Variants in NFATC3 observed in about 807,000 individuals in gnomAD.
The protein encoded by NFATC3 is nuclear factor of activated T-cells, cytoplasmic 3.
A neutral mutation model predicts 98.6 loss-of-function variants in NFATC3; 46 were observed. The observed-to-expected ratio is 0.47, with a 90% CI of 0.37 to 0.60. NFATC3 has a LOEUF of 0.60. Ranked by LOEUF, NFATC3 falls within the 20% of genes least tolerant of loss-of-function variation. NFATC3 has a pLI of 0.00. For missense variants in NFATC3, 1,256 were observed against 1,295.5 expected (o/e 0.97, Z 0.47); for synonymous variants, 512 against 472.2 (o/e 1.08, Z -1.09).
At chr16:68,200,906 A>G (rs1598580590) in intron 9 of NFATC3, 1 of 152,164 alleles carries the variant, frequency 6.6e-6, no homozygotes, top group South Asian at 2.1e-4. Context: ...TGATTTTATA[A>G]CAGATATGGA....
chr16:68,132,667 A>G (rs181414655), intron 3 of NFATC3, among the ~76,000 whole-genome samples: 6 of 152,370 alleles, frequency 3.9e-5, no homozygotes, highest in African/African-American at 1.4e-4. Context: ...TATATGCACA[A>G]TACAATACTA....
intron 1 of NFATC3, among the ~76,000 whole-genome samples, chr16:68,118,253 C>T (rs1235621586): frequency 2.0e-5 from 3 of 152,192 alleles, no homozygotes; most frequent in Non-Finnish European, 2.9e-5. Context: ...CTCTGTAAAA[C>T]AAGTTCCTTG....
At chr16:68,172,756 G>C (rs978266539) in intron 5 of NFATC3, among the ~76,000 whole-genome samples, 1 of 152,088 alleles carries the variant, frequency 6.6e-6, no homozygotes, top group Admixed American at 6.5e-5. Flanking sequence ...CTTCATCCTT[G>C]GTGACAGTGC....
At chr16:68,224,530 C>G (rs1316340217) in intron 9 of NFATC3, among the ~76,000 whole-genome samples, 1 of 151,118 alleles carries the variant, frequency 6.6e-6, no homozygotes, top group African/African-American at 2.4e-5. Flanking sequence ...CCGCCTTGGC[C>G]TCCCAGAGTG....
intron 1 of NFATC3, among the ~76,000 whole-genome samples, chr16:68,119,780 A>G (rs575007095): frequency 2.0e-4 from 30 of 152,274 alleles, no homozygotes; most frequent in Admixed American, 9.8e-4. Flanking sequence ...TTTTACTAGA[A>G]TGTAAGCTCC....
rs183528051 is a variant in NFATC3, at chr16:68,108,648, A to C, written c.104-13339A>C. On this transcript the variant is annotated intron_variant, in intron 1 of 9. Transcript: ENST00000346183. ...AGTATTTTAATGGGAGTAGCATTGA[A>C]TCTATAATTTGCTTTGGGCAGTGTG... Among the ~76,000 whole-genome samples, 252 of 152,248 alleles carry C rather than the reference A, an allele frequency of 1.7e-3. 2 individuals are homozygous for C. The highest frequency in any genetic ancestry group is 5.4e-3 in the African/African-American group (223 of 41,550).
chr16:68,226,100 T>C, intron 9 of NFATC3: 1 of 374,968 alleles, frequency 2.7e-6, no homozygotes, highest in East Asian at 4.8e-5. Flanking sequence ...AAACATACCT[T>C]TAGAGTGAGG....
chr16:68,220,601 T>G (rs1342169123), intron 9 of NFATC3, among the ~76,000 whole-genome samples: 1 of 151,624 alleles, frequency 6.6e-6, no homozygotes, highest in Non-Finnish European at 1.5e-5. Flanking sequence ...TTCCTTTTTT[T>G]TTTTTTTAAG....
chr16:68,140,220 G>A (rs965151155), intron 3 of NFATC3, among the ~76,000 whole-genome samples: 1 of 152,060 alleles, frequency 6.6e-6, no homozygotes, highest in Non-Finnish European at 1.5e-5. Context: ...GGCTGGTCTC[G>A]GAACTCCTGG....
At chr16:68,223,073 G>GA (rs762362561) in intron 9 of NFATC3, among the ~76,000 whole-genome samples, 87 of 152,326 alleles carry the variant, frequency 5.7e-4, no homozygotes, top group African/African-American at 1.8e-3. Flanking sequence ...AAACTGAAGA[G>GA]AAAAATATAT....
At chr16:68,151,344 G>C (rs2038309325) in intron 3 of NFATC3, among the ~76,000 whole-genome samples, 1 of 152,158 alleles carries the variant, frequency 6.6e-6, no homozygotes, top group African/African-American at 2.4e-5. Flanking sequence ...GTGTTGCCAG[G>C]TACAAAGGCA....
At position 68,117,769 on chromosome 16, in the gene NFATC3, C is replaced by T. The variant is rs145716080; in HGVS notation, c.104-4218C>T. 7.0e-3 allele frequency among the ~76,000 whole-genome samples: 1,061 copies of T among 152,228 alleles called. 17 individuals carry two copies. Among genetic ancestry groups the T allele is most frequent in the African/African-American group, 0.024 (982 of 41,542 alleles). ...CTGAACTCAAGCCATTTGCCTGCCT[C>T]GGCCTCCCAAAGTTCTGGGATTACA... On this transcript the variant is annotated intron_variant, in intron 1 of 9. Coordinates refer to ENST00000346183, the MANE Select transcript of NFATC3 (RefSeq NM_173165.3).
At chr16:68,117,249 T>G (rs2036327829) in intron 1 of NFATC3, among the ~76,000 whole-genome samples, 1 of 152,202 alleles carries the variant, frequency 6.6e-6, no homozygotes, top group Non-Finnish European at 1.5e-5. Context: ...TTTAGAAAGT[T>G]TTAGCTACCA....
chr16:68,149,352 C>A (rs2038199368), intron 3 of NFATC3, among the ~76,000 whole-genome samples: 1 of 152,194 alleles, frequency 6.6e-6, no homozygotes, highest in African/African-American at 2.4e-5. Context: ...GTAGAAGAGA[C>A]CTGTAGATTC....
intron 1 of NFATC3, chr16:68,086,911 T>C (rs763280580): frequency 2.9e-5 from 15 of 517,082 alleles, no homozygotes; most frequent in Non-Finnish European, 3.7e-5. Context: ...TCCATTAACA[T>C]AATTTGAGCA....
At chr16:68,206,649 T>TG (rs2041157319) in intron 9 of NFATC3, among the ~76,000 whole-genome samples, 1 of 152,150 alleles carries the variant, frequency 6.6e-6, no homozygotes, top group African/African-American at 2.4e-5. Flanking sequence ...TATTCAATTT[T>TG]TTGTGTACAC....
chr16:68,223,468 A>T (rs919056967), intron 9 of NFATC3, among the ~76,000 whole-genome samples: 1 of 152,164 alleles, frequency 6.6e-6, no homozygotes, highest in Admixed American at 6.5e-5. Context: ...AATGCCAAAA[A>T]CCACAATTAC....
intron 5 of NFATC3, among the ~76,000 whole-genome samples, chr16:68,171,018 A>AT (rs909199117): frequency 2.6e-5 from 4 of 151,226 alleles, no homozygotes; most frequent in Non-Finnish European, 4.4e-5. Flanking sequence ...TTTTTATTTT[A>AT]TTTTTTTGAG....
In NFATC3 at chr16:68,122,711, C is replaced by T. The variant is rs2036625976; in HGVS notation, c.828C>T (p.His276=). 1.9e-6 allele frequency: 3 copies of T among 1,614,106 alleles called. No individual in the cohort carries two copies. Among genetic ancestry groups the T allele is most frequent in the Non-Finnish European group, 2.5e-6 (3 of 1,180,046 alleles). Residue 276 remains histidine, a synonymous_variant, in exon 2 of 10, where the codon CAC becomes CAT. Transcript: ENST00000346183. ...CATCCCCCTGTGGGAAACGGAGGCA[C>T]TCCAGTGCTGAAGTTTGTTATGCTG... The part of the protein sequence containing the change: ...RPTSPCGKRR[H]SSAEVCYAGS...
Sources: allele counts gnomAD v4.1 joint callset (sites outside exome capture counted in the v4.1 genomes callset), GRCh38; gene constraint gnomAD v4.1.1; transcripts MANE v1.5; gene names NCBI Gene and HGNC (gene_info 2026-07-23, HGNC 2026-07-21).